EYS: variants seen among roughly 807,000 people sequenced by gnomAD.
The protein encoded by EYS is EGF-like photoreceptor maintenance factor.
In EYS, 250 loss-of-function variants were observed where a neutral mutation model predicts 282.1. The ratio of observed to expected loss-of-function variants is 0.89; its 90% CI spans 0.80 to 0.98. The LOEUF (loss-of-function observed/expected upper bound fraction) is 0.98, where lower values mean the gene tolerates loss of function less well. Ranked by LOEUF, EYS falls within the 50% of genes least tolerant of loss-of-function variation. The pLI is 0.00. For missense variants in EYS, 4,016 were observed against 3,709.0 expected (o/e 1.08, Z -2.15); for synonymous variants, 1,355 against 1,282.9 (o/e 1.06, Z -1.20).
intron 2 of EYS, among the ~76,000 whole-genome samples, chr6:65,510,302 T>C (rs1339660325): frequency 6.6e-6 from 1 of 151,520 alleles, no homozygotes; most frequent in African/African-American, 2.4e-5. Context: ...TTACTGAGAA[T>C]GATGATTTCC....
At chr6:64,972,157 A>G (rs1770315952) in intron 14 of EYS, among the ~76,000 whole-genome samples, 1 of 152,164 alleles carries the variant, frequency 6.6e-6, no homozygotes, top group South Asian at 2.1e-4. Context: ...AAGATGAGAA[A>G]GAAGACGTGG....
intron 33 of EYS, among the ~76,000 whole-genome samples, chr6:64,051,692 T>C (rs572384571): frequency 6.6e-6 from 1 of 152,164 alleles, no homozygotes; most frequent in Non-Finnish European, 1.5e-5. Flanking sequence ...ATTGTTCTTA[T>C]AAACAGAAGT....
intron 31 of EYS, among the ~76,000 whole-genome samples, chr6:64,108,921 A>G (rs1362521106): frequency 6.6e-6 from 1 of 152,028 alleles, no homozygotes; most frequent in Non-Finnish European, 1.5e-5. Context: ...CTTAAATACA[A>G]CTCTATGGTT....
intron 22 of EYS, among the ~76,000 whole-genome samples, chr6:64,702,948 G>A (rs1770840303): frequency 1.3e-5 from 2 of 150,868 alleles, no homozygotes; most frequent in Admixed American, 6.6e-5. Context: ...ATAAAATGGG[G>A]AGAATAGAAA....
At chr6:65,651,321 T>C (rs961581595) in intron 1 of EYS, among the ~76,000 whole-genome samples, 3 of 152,050 alleles carry the variant, frequency 2.0e-5, no homozygotes, top group Admixed American at 1.3e-4. Flanking sequence ...TATATACTTA[T>C]TTAATGTTAC....
chr6:63,753,313 G>A lies in EYS; in HGVS notation c.8071+9148C>T, dbSNP rs920948009. Among the ~76,000 whole-genome samples, 15 of 151,666 alleles carry A rather than the reference G, an allele frequency of 9.9e-5. No individual in the cohort carries two copies. The South Asian group carries it at 1.2e-3, about 13-fold the overall frequency. ...AAAGGCTTATTTACAGAAGGTTTTG[G>A]CAGATTCCATTGATTATGTACATGT... On this transcript the variant is annotated intron_variant, in intron 41 of 42. Transcript: ENST00000503581.
In EYS at chr6:64,069,198, A is replaced by G. The variant is rs1771481853; in HGVS notation, c.6572-2707T>C. ...CTTCTGACCTCCAGAACTGTAAAAG[A>G]ATAAATTTCTATTGTTTTAATGGTA... is the stretch of plus-strand genomic sequence containing the variant. On this transcript the variant is annotated intron_variant, in intron 32 of 42. Transcript: ENST00000503581. Among the ~76,000 whole-genome samples, 4 of 152,214 alleles carry G rather than the reference A, an allele frequency of 2.6e-5. No individual in the cohort carries two copies. In the South Asian group the frequency reaches 8.3e-4, roughly 32 times the overall value.
At chr6:64,027,511 C>CA (rs1180972499) in intron 33 of EYS, among the ~76,000 whole-genome samples, 2 of 152,038 alleles carry the variant, frequency 1.3e-5, no homozygotes, top group Admixed American at 1.3e-4. Context: ...TAATAGGGAC[C>CA]AAGAGGAACA....
At chr6:64,923,249 G>A (rs1293660635) in intron 15 of EYS, among the ~76,000 whole-genome samples, 1 of 152,086 alleles carries the variant, frequency 6.6e-6, no homozygotes, top group African/African-American at 2.4e-5. Flanking sequence ...GTGGTGGCAA[G>A]AGAAAAATAA....
At chr6:64,072,872 C>T (rs1411706912) in intron 32 of EYS, among the ~76,000 whole-genome samples, 1 of 151,792 alleles carries the variant, frequency 6.6e-6, no homozygotes, top group African/African-American at 2.4e-5. Flanking sequence ...AACAGCTGAG[C>T]ATTTAGGTCA....
intron 33 of EYS, among the ~76,000 whole-genome samples, chr6:64,031,774 G>T (rs559949214): frequency 5.3e-5 from 8 of 152,136 alleles, no homozygotes; most frequent in South Asian, 2.1e-4. Flanking sequence ...TGGTGGGGAC[G>T]TGGAGAACAT....
intron 12 of EYS, among the ~76,000 whole-genome samples, chr6:65,083,533 ATT>A (rs1774282902): frequency 6.6e-6 from 1 of 151,938 alleles, no homozygotes; most frequent in Admixed American, 6.6e-5. Context: ...ATATTCAATG[ATT>A]TGTCTGTAGC....
At chr6:63,781,147 TGTAGCCTTGTA>T (rs1770212700) in intron 39 of EYS, among the ~76,000 whole-genome samples, 2 of 152,224 alleles carry the variant, frequency 1.3e-5, no homozygotes. Flanking sequence ...TTTTGGTTAC[TGTAGCCTTGTA>T]GTATAGTTTG....
At chr6:65,164,200 T>C (rs891343495) in intron 12 of EYS, among the ~76,000 whole-genome samples, 2 of 151,406 alleles carry the variant, frequency 1.3e-5, no homozygotes, top group Middle Eastern at 3.2e-3. Context: ...CATTTAAATA[T>C]GTTAACTTTG....
chr6:63,937,126 C>T (rs976186440), intron 35 of EYS, among the ~76,000 whole-genome samples: 4 of 151,970 alleles, frequency 2.6e-5, no homozygotes, highest in Non-Finnish European at 5.9e-5. Flanking sequence ...TTTTGAGAAA[C>T]CCCTAAATAC....
intron 2 of EYS, among the ~76,000 whole-genome samples, chr6:65,619,484 T>A (rs1766379137): frequency 6.6e-6 from 1 of 152,212 alleles, no homozygotes; most frequent in Admixed American, 6.5e-5. Flanking sequence ...AGATATACAA[T>A]CATGTCATCT....
intron 2 of EYS, among the ~76,000 whole-genome samples, chr6:65,623,921 G>A (rs1447186739): frequency 6.6e-6 from 1 of 152,130 alleles, no homozygotes; most frequent in Non-Finnish European, 1.5e-5. Context: ...AAGCAAGGGA[G>A]TAATCACATG....
intron 4 of EYS, 31 bp from the exon 5 acceptor site, chr6:65,490,738 T>C (rs1409859388): frequency 1.7e-6 from 2 of 1,158,670 alleles, no homozygotes; most frequent in Admixed American, 1.7e-5. Flanking sequence ...TTTTTTTACA[T>C]TGGATATCAA....
At chr6:64,899,104 G>A (rs535334278) in intron 18 of EYS, among the ~76,000 whole-genome samples, 1 of 152,164 alleles carries the variant, frequency 6.6e-6, no homozygotes, top group South Asian at 2.1e-4. Flanking sequence ...GGACCAAGTG[G>A]ACCTAATAGA....
Sources: allele counts gnomAD v4.1 joint callset (sites outside exome capture counted in the v4.1 genomes callset), GRCh38; gene constraint gnomAD v4.1.1; transcripts MANE v1.5; gene names NCBI Gene and HGNC (gene_info 2026-07-23, HGNC 2026-07-21).